UBP1: variants seen among roughly 807,000 people sequenced by gnomAD.
The protein encoded by UBP1 is upstream-binding protein 1.
A neutral mutation model predicts 76.1 loss-of-function variants in UBP1; 22 were observed. That is an observed-to-expected ratio of 0.29 (90% CI 0.21 to 0.41). UBP1 has a LOEUF of 0.41. Ranked by LOEUF, UBP1 falls within the 10% of genes least tolerant of loss-of-function variation. The pLI is 1.00. For missense variants in UBP1, 436 were observed against 668.1 expected (o/e 0.65, Z 3.83); for synonymous variants, 224 against 237.1 (o/e 0.94, Z 0.51).
Position 33,392,623 on chromosome 3 carries a change from A to G in UBP1, c.1534-9T>C. 1 of 1,607,928 alleles carries G rather than the reference A, an allele frequency of 6.2e-7. No homozygotes were observed. Among genetic ancestry groups the G allele is most frequent in the Non-Finnish European group, 8.5e-7 (1 of 1,176,990 alleles). ...TGAAAATTCTGAACCATCTGGAAGG[A>G]TAAAGTAAATGCGTAAGTACAATTA... On this transcript the variant is annotated splice_polypyrimidine_tract_variant and intron_variant, in intron 14 of 15. Coordinates refer to ENST00000283629, the MANE Select transcript of UBP1 (RefSeq NM_014517.5).
At chr3:33,400,094 A>T in intron 11 of UBP1, 95 bp downstream of exon 11, 1 of 734,426 alleles carries the variant, frequency 1.4e-6, no homozygotes, top group Non-Finnish European at 2.0e-6. Flanking sequence ...TCCTATCCAT[A>T]GTTATTTCAA....
At chr3:33,421,646 T>C (rs2044897088) in intron 2 of UBP1, among the ~76,000 whole-genome samples, 1 of 152,212 alleles carries the variant, frequency 6.6e-6, no homozygotes. Flanking sequence ...AAGACATCAA[T>C]ACAACTAGGA....
At chr3:33,392,867 G>A (rs942725139) in intron 14 of UBP1, 4 of 405,812 alleles carry the variant, frequency 9.9e-6, no homozygotes, top group African/African-American at 4.1e-5. Context: ...ATTCCCTGCC[G>A]GCTCCAGTGG....
intron 11 of UBP1, among the ~76,000 whole-genome samples, chr3:33,398,839 A>G (rs1011310811): frequency 6.6e-6 from 1 of 152,182 alleles, no homozygotes; most frequent in African/African-American, 2.4e-5. Context: ...CCTTCCATAC[A>G]ACAGTGCAAG....
chr3:33,401,404 A>G (rs957154550), intron 9 of UBP1, among the ~76,000 whole-genome samples: 5 of 152,260 alleles, frequency 3.3e-5, no homozygotes, highest in Non-Finnish European at 7.3e-5. Flanking sequence ...TGCAAAAAAA[A>G]TGAGCTACAA....
At chr3:33,425,959 G>A (rs746445205) in intron 1 of UBP1, among the ~76,000 whole-genome samples, 4 of 139,040 alleles carry the variant, frequency 2.9e-5, no homozygotes, top group Non-Finnish European at 4.6e-5. Context: ...CCCCTATCTC[G>A]GGGTGGGAAG....
intron 1 of UBP1, among the ~76,000 whole-genome samples, chr3:33,427,572 C>A (rs763849908): frequency 2.0e-5 from 3 of 152,148 alleles, no homozygotes; most frequent in Middle Eastern, 3.2e-3. Flanking sequence ...CAGGTCAATT[C>A]AATTCAATTC....
At chr3:33,437,332 T>C (rs954547892) in intron 1 of UBP1, among the ~76,000 whole-genome samples, 13 of 152,128 alleles carry the variant, frequency 8.5e-5, no homozygotes, top group Non-Finnish European at 1.5e-4. Flanking sequence ...GGTGCAATCA[T>C]AGCACACACT....
chr3:33,441,006 GA>G (rs2154060764), upstream of UBP1: 1 of 152,362 alleles, frequency 6.6e-6, no homozygotes, highest in South Asian at 2.1e-4. Context: ...AAGAGCTCTG[GA>G]AAGACTTCCC....
At chr3:33,410,570 G>T (rs893979568) in intron 5 of UBP1, among the ~76,000 whole-genome samples, 1 of 152,156 alleles carries the variant, frequency 6.6e-6, no homozygotes. Context: ...AGCTTATGAA[G>T]GCTGGTCAGC....
intron 14 of UBP1, chr3:33,392,825 T>C (rs2043822612): frequency 4.2e-6 from 2 of 478,600 alleles, no homozygotes; most frequent in East Asian, 6.8e-5. Flanking sequence ...CTGAGAGACC[T>C]GGTCAGTCAC....
At chr3:33,434,781 G>A (rs1443676734) in intron 1 of UBP1, among the ~76,000 whole-genome samples, 1 of 148,856 alleles carries the variant, frequency 6.7e-6, no homozygotes, top group Non-Finnish European at 1.5e-5. Context: ...CCACCTCCCG[G>A]GTTCAAGCGA....
chr3:33,439,295 G>C (rs2045249577), intron 1 of UBP1, among the ~76,000 whole-genome samples: 1 of 152,238 alleles, frequency 6.6e-6, no homozygotes, highest in Non-Finnish European at 1.5e-5. Flanking sequence ...TCTGCAGCCA[G>C]AAAAGATCAT....
At chr3:33,394,051 T>G (rs1175220711) in intron 13 of UBP1, among the ~76,000 whole-genome samples, 2 of 152,026 alleles carry the variant, frequency 1.3e-5, no homozygotes, top group African/African-American at 4.8e-5. Context: ...GTGTCCTTTT[T>G]TGTTGCCCAG....
chr3:33,409,409 C>T, intron 6 of UBP1, 40 bp downstream of exon 6: 1 of 1,613,908 alleles, frequency 6.2e-7, no homozygotes, highest in Non-Finnish European at 8.5e-7. Context: ...ACAGGCAAAA[C>T]TGAGCCTTAA....
chr3:33,436,761 T>C (rs748368484), intron 1 of UBP1, among the ~76,000 whole-genome samples: 7 of 152,226 alleles, frequency 4.6e-5, no homozygotes, highest in Non-Finnish European at 8.8e-5. Context: ...ATCTACTCCA[T>C]ACTTCACAAA....
chr3:33,402,156 A>G (rs532351477), intron 9 of UBP1, among the ~76,000 whole-genome samples: 11 of 152,196 alleles, frequency 7.2e-5, no homozygotes, highest in Non-Finnish European at 1.3e-4. Context: ...ACTACTCTGC[A>G]TTAGTTCTGC....
intron 1 of UBP1, among the ~76,000 whole-genome samples, chr3:33,433,498 C>G (rs963501186): frequency 2.7e-5 from 4 of 148,434 alleles, no homozygotes; most frequent in Non-Finnish European, 5.9e-5. Context: ...ACTAAAAATA[C>G]AAAAATCAGC....
At chr3:33,429,353 ATT>A (rs568312502) in intron 1 of UBP1, among the ~76,000 whole-genome samples, 2 of 145,462 alleles carry the variant, frequency 1.4e-5, no homozygotes, top group African/African-American at 2.5e-5. Context: ...GTGTTTCTTT[ATT>A]TTTTTTTTTT....
Sources: gnomAD v4.1 joint callset for allele counts (sites outside exome capture counted in the v4.1 genomes callset) on GRCh38, gnomAD v4.1.1 for gene constraint, MANE v1.5 for transcripts, NCBI Gene and HGNC (gene_info 2026-07-23, HGNC 2026-07-21) for gene names.